ABCC8: variants seen among roughly 807,000 people sequenced by gnomAD.
ABCC8 encodes ATP binding cassette subfamily C member 8.
In ABCC8, 137 loss-of-function variants were observed where a neutral mutation model predicts 188.0. The observed-to-expected ratio is 0.73, with a 90% CI of 0.63 to 0.84. The LOEUF (loss-of-function observed/expected upper bound fraction) is 0.84, where lower values mean the gene tolerates loss of function less well. Ranked by LOEUF, ABCC8 falls within the 40% of genes least tolerant of loss-of-function variation. ABCC8 has a pLI of 0.00. For synonymous variants in ABCC8, 797 were observed against 846.5 expected (o/e 0.94, Z 1.01); for missense variants, 1,750 against 2,072.7 (o/e 0.84, Z 3.02).
chr11:17,398,266 C>G (rs530732949), intron 30 of ABCC8, 73 bp downstream of exon 30: 163 of 1,569,164 alleles, frequency 1.0e-4, no homozygotes, highest in Non-Finnish European at 1.4e-4. Context: ...TCTTTCATCC[C>G]CAGGTACCTG....
intron 16 of ABCC8, among the ~76,000 whole-genome samples, chr11:17,424,943 T>C (rs546218529): frequency 1.3e-5 from 2 of 152,314 alleles, no homozygotes; most frequent in East Asian, 3.9e-4. Flanking sequence ...GAGATCATGT[T>C]GACAATGCAC....
In ABCC8 at chr11:17,448,507, A is replaced by T. The variant is rs775059899; in HGVS notation, c.1332+9T>A. On this transcript the variant is annotated intron_variant, in intron 8 of 38. Coordinates refer to ENST00000389817, the MANE Select transcript of ABCC8 (RefSeq NM_000352.6). ...TGCCCCCCTCCCTTCCCCTCAGCCC[A>T]TCTAGTACCTGTACTGGCATAGCCC... The T allele has an allele frequency of 6.2e-7, 1 of 1,613,462 alleles. No individual in the cohort carries two copies. The highest frequency in any genetic ancestry group is 1.1e-5 in the South Asian group (1 of 91,058).
At position 17,432,254 on chromosome 11, in the gene ABCC8, A is replaced by C; in HGVS notation, c.1631-10T>G. 2 of 1,552,084 alleles carry C rather than the reference A, an allele frequency of 1.3e-6. No homozygotes were observed. Among genetic ancestry groups the C allele is most frequent in the Non-Finnish European group, 1.7e-6 (2 of 1,147,136 alleles). ...GCCGTGTTCATGAAAACTGCAGAGG[A>C]AGCACAGGGAGGCGTTTAGTGGGAG... On this transcript the variant is annotated splice_polypyrimidine_tract_variant and intron_variant, in intron 10 of 38. Coordinates refer to ENST00000389817, the MANE Select transcript of ABCC8 (RefSeq NM_000352.6).
chr11:17,403,905 A>T (rs1467539044), intron 28 of ABCC8, among the ~76,000 whole-genome samples: 1 of 152,168 alleles, frequency 6.6e-6, no homozygotes, highest in African/African-American at 2.4e-5. Context: ...ATTTTTTCCT[A>T]CAATTTTTTG....
intron 6 of ABCC8, among the ~76,000 whole-genome samples, chr11:17,454,784 A>C (rs891085499): frequency 3.3e-5 from 5 of 152,158 alleles, no homozygotes; most frequent in African/African-American, 1.2e-4. Flanking sequence ...ACAACATGTG[A>C]ACATGAACCT....
chr11:17,427,910 A>T lies in ABCC8; in HGVS notation c.2073T>A (p.Asp691Glu), dbSNP rs1001337062. The T allele has an allele frequency of 1.2e-6, 2 of 1,614,064 alleles. No individual in the cohort carries two copies. The highest frequency in any genetic ancestry group is 2.7e-5 in the African/African-American group (2 of 75,048). Residue 691 changes from aspartate (D) to glutamate (E), a missense_variant, in exon 15 of 39, where the codon GAT becomes GAA. Physicochemically the swap from Asp to Glu is conservative, Grantham distance 45 (BLOSUM62 2). Transcript: ENST00000389817. The surrounding 1 kb of genome is among the most constrained non-coding windows in gnomAD (Gnocchi z 5.0). ...IMGGYFTWTP[D>E]GIPTLSNITI... ...TGATGTTGGACAGTGTGGGGATTCC[A>T]TCTGGGGTCCACGTGAAGTAGCCTC...
chr11:17,475,049 G>A (rs755951807), intron 1 of ABCC8, 22 bp from the exon 2 acceptor site: 77 of 1,613,792 alleles, frequency 4.8e-5, no homozygotes, highest in Non-Finnish European at 5.3e-5. Flanking sequence ...GACAGTCAGA[G>A]GCAGGATGCC....
intron 10 of ABCC8, among the ~76,000 whole-genome samples, chr11:17,433,230 C>T (rs1331211747): frequency 2.6e-5 from 4 of 152,218 alleles, no homozygotes; most frequent in African/African-American, 9.6e-5. Flanking sequence ...TCAGCTGCCA[C>T]CTTCCCATCT....
chr11:17,397,220 C>T lies in ABCC8; in HGVS notation c.3961G>A (p.Glu1321Lys), dbSNP rs1953981445. 6.8e-6 allele frequency: 11 copies of T among 1,613,796 alleles called. No homozygotes were observed. Among genetic ancestry groups the T allele is most frequent in the Non-Finnish European group, 8.5e-6 (10 of 1,180,006 alleles). The change falls in exon 32 of 39, where the codon GAG becomes AAG. Residue 1321 changes from glutamate to lysine, a missense_variant. Glu to Lys is a moderately conservative substitution (Grantham distance 56). Transcript: ENST00000389817. ...AGGAGCCCCTCGTAGCTCTCTGCCTCGGTTTTCAGGAGCCCATGGATGCGC... is the reference window on the plus strand; with the variant it reads ...AGGAGCCCCTCGTAGCTCTCTGCCTTGGTTTTCAGGAGCCCATGGATGCGC... ...VKRIHGLLKT[E>K]AESYEGLLAP...
chr11:17,417,640 T>A (rs1167766633), intron 16 of ABCC8, among the ~76,000 whole-genome samples: 2 of 152,174 alleles, frequency 1.3e-5, no homozygotes, highest in Non-Finnish European at 2.9e-5. Flanking sequence ...ACTTCTGACA[T>A]GAACATTTGG....
At chr11:17,396,621 A>G (rs1953941776) in intron 33 of ABCC8, 1 of 448,956 alleles carries the variant, frequency 2.2e-6, no homozygotes, top group South Asian at 2.2e-5. Context: ...GCCCCTGACC[A>G]TTCGCAGAGA....
chr11:17,467,828 G>A (rs913268607), intron 3 of ABCC8, among the ~76,000 whole-genome samples: 3 of 152,200 alleles, frequency 2.0e-5, no homozygotes, highest in African/African-American at 7.2e-5. Flanking sequence ...TCCTTTCAAG[G>A]GGAGATAACT....
chr11:17,431,075 G>C (rs981917424), intron 11 of ABCC8, 116 bp from the exon 12 acceptor site: 6 of 1,506,452 alleles, frequency 4.0e-6, no homozygotes, highest in Non-Finnish European at 5.4e-6. Flanking sequence ...AGGCTCCTAA[G>C]AGGATCTTTT....
intron 5 of ABCC8, chr11:17,460,985 A>G (rs112390084): frequency 6.6e-6 from 3 of 456,464 alleles, no homozygotes; most frequent in African/African-American, 5.9e-5. Context: ...ACACTCACTC[A>G]TTACCACCTG....
intron 29 of ABCC8, among the ~76,000 whole-genome samples, chr11:17,402,330 A>C (rs1954287649): frequency 6.6e-6 from 1 of 152,170 alleles, no homozygotes; most frequent in African/African-American, 2.4e-5. Context: ...CTCCTTAATA[A>C]AAGAAGGGCT....
rs753493120 is a variant in ABCC8 at position 17,396,936 on chromosome 11, G to A, written c.4099C>T (p.Leu1367Phe). 2 of 1,614,176 alleles carry A rather than the reference G, an allele frequency of 1.2e-6. No homozygotes were observed. Among genetic ancestry groups the A allele is most frequent in the South Asian group, 1.1e-5 (1 of 91,086 alleles). ...LKPVLKHVNA[L>F]IAPGQKIGIC... ...CTGACCTTCTGTCCAGGGGCGATGA[G>A]GGCATTGACGTGCTTCAGCACCGGC... The change falls in exon 33 of 39, where the codon CTC becomes TTC. Residue 1367 changes from leucine (L) to phenylalanine (F), a missense_variant. Leu to Phe is a conservative substitution (Grantham distance 22). Coordinates refer to ENST00000389817, the MANE Select transcript of ABCC8 (RefSeq NM_000352.6).
At chr11:17,399,346 A>G (rs1007805769) in intron 29 of ABCC8, among the ~76,000 whole-genome samples, 14 of 150,682 alleles carry the variant, frequency 9.3e-5, no homozygotes, top group African/African-American at 2.9e-4. Flanking sequence ...TGCTTATAGG[A>G]TGAAGAACCC....
At chr11:17,442,943 G>C (rs928776478) in intron 9 of ABCC8, 61 bp from the exon 10 acceptor site, 21 of 1,604,206 alleles carry the variant, frequency 1.3e-5, no homozygotes, top group Non-Finnish European at 1.7e-5. Flanking sequence ...CCGAGAGGAA[G>C]GCCTGAGTGT....
intron 1 of ABCC8, among the ~76,000 whole-genome samples, chr11:17,475,408 C>CG (rs34001406): frequency 0.038 from 5,751 of 151,360 alleles, 115 homozygotes; most frequent in Non-Finnish European, 0.044. Flanking sequence ...GTAGAAAGGG[C>CG]GGGGGGGGTC....
Sources: allele counts gnomAD v4.1 joint callset (sites outside exome capture counted in the v4.1 genomes callset), GRCh38; gene constraint gnomAD v4.1.1; non-coding constraint Gnocchi (gnomAD v3.1); transcripts MANE v1.5; gene names NCBI Gene and HGNC (gene_info 2026-07-23, HGNC 2026-07-21).